Variants in INPP5A observed in about 807,000 individuals in gnomAD.
The protein encoded by INPP5A is inositol polyphosphate-5-phosphatase A.
Under a neutral mutation model 65.2 loss-of-function variants are expected in INPP5A, and 14 were observed. The ratio of observed to expected loss-of-function variants is 0.21; its 90% CI spans 0.14 to 0.34. The LOEUF (loss-of-function observed/expected upper bound fraction) is 0.34, where lower values mean the gene tolerates loss of function less well. INPP5A is among the 10% of genes least tolerant of loss of function. The pLI is 1.00. For missense variants in INPP5A, 431 were observed against 545.6 expected (o/e 0.79, Z 2.09); for synonymous variants, 207 against 208.3 (o/e 0.99, Z 0.05).
intron 2 of INPP5A, among the ~76,000 whole-genome samples, chr10:132,643,243 A>T (rs1319158559): frequency 6.6e-6 from 1 of 152,230 alleles, no homozygotes; most frequent in Non-Finnish European, 1.5e-5. Flanking sequence ...AAATAAACCT[A>T]AACACATCCA....
At chr10:132,542,830 G>C (rs1030323955) in intron 1 of INPP5A, among the ~76,000 whole-genome samples, 1 of 152,156 alleles carries the variant, frequency 6.6e-6, no homozygotes, top group Non-Finnish European at 1.5e-5. Context: ...TTCACACAGG[G>C]TCTCATTCTG....
chr10:132,559,202 G>A (rs2071168052), intron 1 of INPP5A, among the ~76,000 whole-genome samples: 1 of 152,202 alleles, frequency 6.6e-6, no homozygotes, highest in Admixed American at 6.5e-5. Flanking sequence ...CGGTGGCTTC[G>A]GAGCTGTGGC....
intron 9 of INPP5A, among the ~76,000 whole-genome samples, chr10:132,743,560 C>T (rs558455168): frequency 5.3e-5 from 8 of 152,244 alleles, no homozygotes; most frequent in Non-Finnish European, 1.2e-4. Context: ...TCATTTGTCC[C>T]GTGAGTATCA....
intron 1 of INPP5A, among the ~76,000 whole-genome samples, chr10:132,571,544 T>C (rs186392242): frequency 7.6e-4 from 116 of 152,368 alleles, no homozygotes; most frequent in African/African-American, 2.6e-3. Flanking sequence ...TTAAGGAGCT[T>C]AGCTAAATTT....
intron 4 of INPP5A, among the ~76,000 whole-genome samples, chr10:132,689,637 T>G (rs1845222460): frequency 6.6e-6 from 1 of 152,128 alleles, no homozygotes; most frequent in South Asian, 2.1e-4. Flanking sequence ...TACACAGAAA[T>G]AATACACATG....
chr10:132,717,565 A>C (rs975231700), intron 8 of INPP5A, among the ~76,000 whole-genome samples: 9 of 114,832 alleles, frequency 7.8e-5, no homozygotes, highest in Non-Finnish European at 1.5e-4. Context: ...GTTCTGTCTG[A>C]GGGCGCCTTA....
intron 8 of INPP5A, among the ~76,000 whole-genome samples, chr10:132,718,104 G>A (rs1348146705): frequency 6.7e-6 from 1 of 149,938 alleles, no homozygotes; most frequent in Non-Finnish European, 1.5e-5. Flanking sequence ...GCCGTCTTCA[G>A]GGTTCTGTGG....
chr10:132,692,481 C>T (rs1458920694), intron 5 of INPP5A, among the ~76,000 whole-genome samples: 1 of 152,136 alleles, frequency 6.6e-6, no homozygotes, highest in African/African-American at 2.4e-5. Flanking sequence ...GAAAGTCAAC[C>T]CCAGGCCACC....
intron 5 of INPP5A, among the ~76,000 whole-genome samples, chr10:132,692,102 G>A (rs975744496): frequency 6.6e-6 from 1 of 152,148 alleles, no homozygotes; most frequent in Non-Finnish European, 1.5e-5. Flanking sequence ...TCAGGCTAGG[G>A]GCTCGAGGCT....
rs943435184 is a variant in INPP5A, at chr10:132,753,547, G to A, written c.903+3702G>A. ...CTATGATTTATAGCTTTGTTTAGTC[G>A]ATATTCCCATCGAAATTGTATAATT... On this transcript the variant is annotated intron_variant, in intron 11 of 15. Coordinates refer to ENST00000368594, the MANE Select transcript of INPP5A (RefSeq NM_005539.5). This position sits in a 1 kb window ranked among gnomAD's most constrained non-coding sequence, Gnocchi z 5.3. 3.3e-5 allele frequency among the ~76,000 whole-genome samples: 5 copies of A among 152,128 alleles called. No homozygotes were observed. Among genetic ancestry groups the A allele is most frequent in the African/African-American group, 7.2e-5 (3 of 41,424 alleles).
chr10:132,757,520 G>C (rs1394994726), intron 11 of INPP5A, among the ~76,000 whole-genome samples: 1 of 152,266 alleles, frequency 6.6e-6, no homozygotes, highest in Non-Finnish European at 1.5e-5. Flanking sequence ...CCCAGGCGTG[G>C]AGCGTACACG....
chr10:132,734,212 T>C (rs764910168), intron 9 of INPP5A, among the ~76,000 whole-genome samples: 4 of 152,040 alleles, frequency 2.6e-5, no homozygotes, highest in Non-Finnish European at 5.9e-5. Flanking sequence ...AAGCATCACC[T>C]CTGGGCTGGA....
At chr10:132,733,561 G>C (rs994604296) in intron 9 of INPP5A, among the ~76,000 whole-genome samples, 2 of 152,144 alleles carry the variant, frequency 1.3e-5, no homozygotes, top group Admixed American at 1.3e-4. Context: ...TTTTAAAAAA[G>C]GTTTCTGACT....
chr10:132,610,991 C>T (rs2071937734), intron 2 of INPP5A, among the ~76,000 whole-genome samples: 1 of 151,570 alleles, frequency 6.6e-6, no homozygotes, highest in Non-Finnish European at 1.5e-5. Flanking sequence ...GAGAGAGGCC[C>T]TGTCAGAGGA....
intron 1 of INPP5A, among the ~76,000 whole-genome samples, chr10:132,554,843 G>A (rs971507680): frequency 6.6e-6 from 1 of 150,800 alleles, no homozygotes; most frequent in Non-Finnish European, 1.5e-5. Context: ...TGATCGGTGT[G>A]GGTGGTGTGA....
intron 9 of INPP5A, among the ~76,000 whole-genome samples, chr10:132,730,927 G>A (rs1476822555): frequency 6.6e-6 from 1 of 152,204 alleles, no homozygotes; most frequent in Non-Finnish European, 1.5e-5. Flanking sequence ...GAGCCGCGTG[G>A]CTATTCCATG....
chr10:132,695,583 G>A (rs934948353), intron 5 of INPP5A, among the ~76,000 whole-genome samples: 13 of 152,212 alleles, frequency 8.5e-5, no homozygotes, highest in African/African-American at 3.1e-4. Flanking sequence ...ATATGATTAT[G>A]TCAAGAATCT....
At chr10:132,662,206 G>T (rs1359637647) in intron 4 of INPP5A, among the ~76,000 whole-genome samples, 4 of 152,160 alleles carry the variant, frequency 2.6e-5, no homozygotes, top group Non-Finnish European at 5.9e-5. Context: ...TCGTGTTAGT[G>T]CTGGAAATGT....
At position 132,698,568 on chromosome 10, in the gene INPP5A, C is replaced by A. The variant is rs761266211; in HGVS notation, c.474+649C>A. The stretch of plus-strand genomic sequence containing the variant: ...ACGTGATCTTTGGGTAAACCTCACA[C>A]GCGGCATTGTCGGCGTCTCCCTGGC... On this transcript the variant is annotated intron_variant, in intron 6 of 15. Transcript: ENST00000368594. The surrounding 1 kb of genome is among the most constrained non-coding windows in gnomAD (Gnocchi z 5.5). Among the ~76,000 whole-genome samples the A allele has an allele frequency of 6.6e-6, 1 of 152,242 alleles. No individual in the cohort carries two copies. The highest frequency in any genetic ancestry group is 1.5e-5 in the Non-Finnish European group (1 of 68,050).
Sources: allele counts gnomAD v4.1 joint callset (sites outside exome capture counted in the v4.1 genomes callset), GRCh38; gene constraint gnomAD v4.1.1; non-coding constraint Gnocchi (gnomAD v3.1); transcripts MANE v1.5; gene names NCBI Gene and HGNC (gene_info 2026-07-23, HGNC 2026-07-21).